The following LRRC4C variants were observed in gnomAD, a reference collection of about 807,000 sequenced individuals.
LRRC4C encodes leucine-rich repeat-containing protein 4C.
Under a neutral mutation model 33.6 loss-of-function variants are expected in LRRC4C, and 5 were observed. The ratio of observed to expected loss-of-function variants is 0.15; its 90% CI spans 0.08 to 0.31. The LOEUF (loss-of-function observed/expected upper bound fraction) is 0.31. Among genes scored for constraint, LRRC4C ranks in the 10% least tolerant of loss-of-function variants. LRRC4C has a pLI of 1.00. For missense variants in LRRC4C, 560 were observed against 796.7 expected, an observed-to-expected ratio of 0.70 and a Z score of 3.58; for synonymous variants, 329 against 302.0, an observed-to-expected ratio of 1.09 and a Z score of -0.93.
chr11:40,630,125 C>T (rs145348195), intron 3 of LRRC4C, among the ~76,000 whole-genome samples: 15 of 152,166 alleles, frequency 9.9e-5, no homozygotes, highest in African/African-American at 3.4e-4. Context: ...TGTGAATTTT[C>T]TGATGCATTC....
At chr11:40,304,139 C>G (rs1387242454) in intron 4 of LRRC4C, among the ~76,000 whole-genome samples, 1 of 152,132 alleles carries the variant, frequency 6.6e-6, no homozygotes, top group Non-Finnish European at 1.5e-5. Context: ...CCATAGAGGC[C>G]TACAGACCTG....
At chr11:40,346,706 C>T (rs996534614) in intron 3 of LRRC4C, among the ~76,000 whole-genome samples, 6 of 152,112 alleles carry the variant, frequency 3.9e-5, no homozygotes, top group African/African-American at 9.7e-5. Context: ...TTAAAATAAA[C>T]GTTTTTTTAA....
At chr11:41,440,796 T>C (rs1955593515) in intron 1 of LRRC4C, among the ~76,000 whole-genome samples, 1 of 152,202 alleles carries the variant, frequency 6.6e-6, no homozygotes, top group Non-Finnish European at 1.5e-5. Context: ...TCCCTCCTTC[T>C]TGCTCTCTAT....
At chr11:40,658,476 A>G (rs1384380844) in intron 2 of LRRC4C, among the ~76,000 whole-genome samples, 2 of 152,162 alleles carry the variant, frequency 1.3e-5, no homozygotes, top group Non-Finnish European at 2.9e-5. Flanking sequence ...AAGGGGTTTA[A>G]TTGTAAAGCT....
At chr11:40,803,094 A>G (rs554698252) in intron 2 of LRRC4C, among the ~76,000 whole-genome samples, 2 of 152,338 alleles carry the variant, frequency 1.3e-5, no homozygotes, top group East Asian at 3.9e-4. Context: ...CTATGATTTG[A>G]TAACCAGGCA....
At chr11:40,985,823 T>A (rs1267968031) in intron 1 of LRRC4C, among the ~76,000 whole-genome samples, 1 of 152,146 alleles carries the variant, frequency 6.6e-6, no homozygotes, top group Non-Finnish European at 1.5e-5. Flanking sequence ...GACAAGTAGA[T>A]GGATTGTAGA....
intron 2 of LRRC4C, among the ~76,000 whole-genome samples, chr11:40,736,646 C>T (rs1591589427): frequency 6.6e-6 from 1 of 152,124 alleles, no homozygotes; most frequent in East Asian, 1.9e-4. Context: ...TAAAAGCGTT[C>T]CTACTTCTCC....
At chr11:40,231,474 C>CTA (rs5791364) in intron 5 of LRRC4C, among the ~76,000 whole-genome samples, 6 of 151,676 alleles carry the variant, frequency 4.0e-5, no homozygotes, top group Non-Finnish European at 7.4e-5. Flanking sequence ...TTATAATAAA[C>CTA]TAGTCAATAT....
chr11:40,350,023 T>C (rs1947314973), intron 3 of LRRC4C, among the ~76,000 whole-genome samples: 1 of 152,166 alleles, frequency 6.6e-6, no homozygotes, highest in African/African-American at 2.4e-5. Context: ...TGCAAATGTT[T>C]TCTCCGATCA....
chr11:41,034,073 T>G (rs1387193803), intron 1 of LRRC4C, among the ~76,000 whole-genome samples: 6 of 152,120 alleles, frequency 3.9e-5, no homozygotes, highest in Non-Finnish European at 8.8e-5. Context: ...GTTGACACAT[T>G]GCTATGGTTT....
intron 1 of LRRC4C, among the ~76,000 whole-genome samples, chr11:41,025,355 C>T (rs1415089575): frequency 4.0e-5 from 6 of 151,448 alleles, no homozygotes; most frequent in Non-Finnish European, 7.4e-5. Context: ...AAATGCCACT[C>T]CAGTAAAGAC....
chr11:40,442,785 G>A (rs1049806443), intron 3 of LRRC4C, among the ~76,000 whole-genome samples: 1 of 152,136 alleles, frequency 6.6e-6, no homozygotes, highest in African/African-American at 2.4e-5. Context: ...TCACTGTACA[G>A]CCATTCTAAG....
At chr11:41,394,690 T>C (rs1220911501) in intron 1 of LRRC4C, 3 of 151,976 alleles carry the variant, frequency 2.0e-5, no homozygotes, top group East Asian at 1.9e-4. Flanking sequence ...CTGGCTATTA[T>C]TATGGTGATT....
chr11:40,664,178 C>T (rs1471850519), intron 2 of LRRC4C, among the ~76,000 whole-genome samples: 3 of 152,076 alleles, frequency 2.0e-5, no homozygotes, highest in Non-Finnish European at 4.4e-5. Context: ...TGGAAGGATG[C>T]ATGACAACTT....
chr11:41,376,111 C>G (rs1321127901), intron 1 of LRRC4C, among the ~76,000 whole-genome samples: 1 of 151,340 alleles, frequency 6.6e-6, no homozygotes, highest in East Asian at 1.9e-4. Context: ...ATTTTCTCCT[C>G]CAGAAACAAT....
At chr11:40,972,730 T>G (rs1005544823) in intron 1 of LRRC4C, among the ~76,000 whole-genome samples, 3 of 152,130 alleles carry the variant, frequency 2.0e-5, no homozygotes, top group Non-Finnish European at 4.4e-5. Context: ...CTCGCTATCA[T>G]GAGAACAACA....
At chr11:40,355,733 C>A (rs1340099527) in intron 3 of LRRC4C, among the ~76,000 whole-genome samples, 1 of 152,110 alleles carries the variant, frequency 6.6e-6, no homozygotes. Context: ...ACTTTCTTTC[C>A]TACTCTCCTC....
At chr11:40,904,996 G>A (rs567866958) in intron 2 of LRRC4C, among the ~76,000 whole-genome samples, 7 of 152,148 alleles carry the variant, frequency 4.6e-5, no homozygotes, top group South Asian at 2.1e-4. Flanking sequence ...ACATTTGTGC[G>A]CACGTGCACA....
chr11:41,303,899 C>G (rs372947851), intron 1 of LRRC4C, among the ~76,000 whole-genome samples: 1 of 76,524 alleles, frequency 1.3e-5, no homozygotes, highest in African/African-American at 4.0e-5. Flanking sequence ...AGCAGCTGCC[C>G]GGTCTGAGAA....
Sources: gnomAD v4.1 joint callset for allele counts (sites outside exome capture counted in the v4.1 genomes callset) on GRCh38, gnomAD v4.1.1 for gene constraint, MANE v1.5 for transcripts, NCBI Gene and HGNC (gene_info 2026-07-23, HGNC 2026-07-21) for gene names.